Variants in NR3C1 observed in about 807,000 individuals in gnomAD.
The protein encoded by NR3C1 is glucocorticoid receptor.
In NR3C1, 14 loss-of-function variants were observed where a neutral mutation model predicts 74.0. That is an observed-to-expected ratio of 0.19 (90% CI 0.12 to 0.30). The LOEUF is 0.30. NR3C1 is among the 10% of genes least tolerant of loss of function. The probability of loss-of-function intolerance (pLI) is 1.00; values close to 1 mark genes in which losing one functional copy is unlikely to be tolerated. For synonymous variants in NR3C1, 308 were observed against 332.5 expected (o/e 0.93, Z 0.80); for missense variants, 695 against 909.8 (o/e 0.76, Z 3.04).
intron 1 of NR3C1, among the ~76,000 whole-genome samples, chr5:143,423,263 A>G (rs1235147565): frequency 1.3e-5 from 2 of 152,222 alleles, no homozygotes; most frequent in Admixed American, 1.3e-4. Flanking sequence ...CAGAATATAT[A>G]AGTTGTGTAA....
chr5:143,378,558 C>T (rs1037512491), intron 2 of NR3C1, among the ~76,000 whole-genome samples: 22 of 152,270 alleles, frequency 1.4e-4, no homozygotes, highest in African/African-American at 5.3e-4. Context: ...TTTGAGAACA[C>T]TTACCTGGTA....
At chr5:143,383,555 C>T (rs1490718326) in intron 2 of NR3C1, among the ~76,000 whole-genome samples, 1 of 152,124 alleles carries the variant, frequency 6.6e-6, no homozygotes, top group African/African-American at 2.4e-5. Flanking sequence ...TCTGTGGCTG[C>T]CAGAGGATAC....
At position 143,280,642 on chromosome 5, in the gene NR3C1, C is replaced by T. The variant is rs1812947456; in HGVS notation, c.*1247G>A. 1 of 152,578 alleles carries T rather than the reference C, an allele frequency of 6.6e-6. No individual in the cohort carries two copies. The highest frequency in any genetic ancestry group is 2.4e-5 in the African/African-American group (1 of 41,420). 9.5% of individuals were successfully genotyped at this position (152,578 alleles called of 1,614,324 possible). ...TAGTTTTACAAACATGGATGTCTGA[C>T]ATACAGTTCTAAATCACAAAAATCA... is the stretch of plus-strand genomic sequence containing the variant. On this transcript the variant is annotated 3_prime_UTR_variant, in exon 9 of 9. Coordinates refer to ENST00000394464, the MANE Select transcript of NR3C1 (RefSeq NM_000176.3).
At chr5:143,367,796 A>AT (rs1461733873) in intron 2 of NR3C1, among the ~76,000 whole-genome samples, 2 of 152,216 alleles carry the variant, frequency 1.3e-5, no homozygotes, top group Non-Finnish European at 2.9e-5. Flanking sequence ...AGACCTACTA[A>AT]TTGTTATGAT....
Position 143,279,847 on chromosome 5 carries a change from G to A in NR3C1, c.*2042C>T, listed in dbSNP as rs13306586. Reference sequence around the variant, plus strand: ...GGAGGGCTGTATGTGAAAGTAACCCGCTATTAGATGGTGCCTTTAAGGATG... The same window carrying A: ...GGAGGGCTGTATGTGAAAGTAACCCACTATTAGATGGTGCCTTTAAGGATG... On this transcript the variant is annotated 3_prime_UTR_variant, in exon 9 of 9. Coordinates refer to ENST00000394464, the MANE Select transcript of NR3C1 (RefSeq NM_000176.3). The A allele has an allele frequency of 1.0e-3, 166 of 159,364 alleles. 3 individuals are homozygous for A. The East Asian group carries it at 0.022, about 21-fold the overall frequency. The allele number at this position is 159,364 out of a possible 1,614,324, so 9.9% of individuals were successfully genotyped here.
chr5:143,313,197 G>A (rs1469597897), intron 3 of NR3C1, among the ~76,000 whole-genome samples: 1 of 152,008 alleles, frequency 6.6e-6, no homozygotes, highest in East Asian at 1.9e-4. Context: ...TTTTTTCCTA[G>A]AGGAGTCACT....
chr5:143,312,336 A>G (rs765571391), intron 3 of NR3C1, among the ~76,000 whole-genome samples: 4 of 152,156 alleles, frequency 2.6e-5, no homozygotes, highest in Non-Finnish European at 5.9e-5. Flanking sequence ...ATAAAAGACA[A>G]TAGTTCTGCT....
At chr5:143,292,391 T>G (rs1190867706) in intron 7 of NR3C1, among the ~76,000 whole-genome samples, 1 of 152,106 alleles carries the variant, frequency 6.6e-6, no homozygotes, top group Non-Finnish European at 1.5e-5. Context: ...GGGCTGTGAC[T>G]TTCAGAAATG....
intron 2 of NR3C1, among the ~76,000 whole-genome samples, chr5:143,385,391 T>C (rs1362298109): frequency 6.6e-6 from 1 of 152,166 alleles, no homozygotes; most frequent in Admixed American, 6.5e-5. Context: ...AGAAAATAGG[T>C]TTTTCTTTTC....
At position 143,281,657 on chromosome 5, in the gene NR3C1, T is replaced by C; in HGVS notation, c.*232A>G. ...TTTCTAATTTCTGGGATATATTAACTAATAAATTTCACCATCTACTCTCCC... is the reference window on the plus strand; with the variant it reads ...TTTCTAATTTCTGGGATATATTAACCAATAAATTTCACCATCTACTCTCCC... On this transcript the variant is annotated 3_prime_UTR_variant, in exon 9 of 9. Coordinates refer to ENST00000394464, the MANE Select transcript of NR3C1 (RefSeq NM_000176.3). 1 of 487,832 alleles carries C rather than the reference T, an allele frequency of 2.0e-6. No homozygotes were observed. Among genetic ancestry groups the C allele is most frequent in the Non-Finnish European group, 3.7e-6 (1 of 269,838 alleles). 30.2% of individuals were successfully genotyped at this position (487,832 alleles called of 1,614,324 possible). A position where few individuals can be genotyped will look rare whatever the true frequency, so the allele number is the denominator to read the frequency against.
At chr5:143,402,590 G>A in intron 1 of NR3C1, 1 of 985,378 alleles carries the variant, frequency 1.0e-6, no homozygotes, top group Non-Finnish European at 1.2e-6. Flanking sequence ...TAAAAGAGAA[G>A]TACGTCCAGA....
intron 2 of NR3C1, among the ~76,000 whole-genome samples, chr5:143,385,152 G>C (rs562273051): frequency 6.6e-6 from 1 of 152,328 alleles, no homozygotes; most frequent in East Asian, 1.9e-4. Context: ...GCTGGAGCTA[G>C]AGCAGCTGGG....
upstream of NR3C1, chr5:143,404,560 G>A: frequency 1.0e-6 from 1 of 975,616 alleles, no homozygotes; most frequent in Non-Finnish European, 1.2e-6. Flanking sequence ...GGCGGCGGCG[G>A]CAGAAGGAGG....
At chr5:143,385,721 T>C (rs1243179015) in intron 2 of NR3C1, among the ~76,000 whole-genome samples, 1 of 152,226 alleles carries the variant, frequency 6.6e-6, no homozygotes, top group Admixed American at 6.5e-5. Flanking sequence ...CACCTCAGCC[T>C]GGACTTTATT....
intron 2 of NR3C1, among the ~76,000 whole-genome samples, chr5:143,316,207 C>T (rs1001670107): frequency 2.0e-5 from 3 of 152,074 alleles, no homozygotes; most frequent in African/African-American, 7.2e-5. Flanking sequence ...GTAGGAAGGT[C>T]CTGGAACAGT....
intron 1 of NR3C1, among the ~76,000 whole-genome samples, chr5:143,424,088 G>A (rs1223135728): frequency 6.8e-6 from 1 of 148,088 alleles, no homozygotes; most frequent in Admixed American, 6.7e-5. Flanking sequence ...GGGAGGGATA[G>A]CATTGGGAGA....
At chr5:143,329,830 G>A (rs1825584994) in intron 2 of NR3C1, among the ~76,000 whole-genome samples, 1 of 151,964 alleles carries the variant, frequency 6.6e-6, no homozygotes, top group Non-Finnish European at 1.5e-5. Context: ...TTTTAAATAT[G>A]TGAATTGTTC....
upstream of NR3C1, chr5:143,404,533 C>T: frequency 1.1e-6 from 1 of 898,808 alleles, no homozygotes; most frequent in Non-Finnish European, 1.3e-6. Flanking sequence ...CCACCCTCTT[C>T]CCCGAGTCTG....
At chr5:143,315,885 A>C (rs901643980) in intron 2 of NR3C1, among the ~76,000 whole-genome samples, 7 of 152,210 alleles carry the variant, frequency 4.6e-5, no homozygotes, top group African/African-American at 1.7e-4. Flanking sequence ...AGCTTCCTGA[A>C]TCTTGCCAAC....
Sources: allele counts gnomAD v4.1 joint callset (sites outside exome capture counted in the v4.1 genomes callset), GRCh38; gene constraint gnomAD v4.1.1; transcripts MANE v1.5; gene names NCBI Gene and HGNC (gene_info 2026-07-23, HGNC 2026-07-21).